The following TCF12 variants were observed in gnomAD, a reference collection of about 807,000 sequenced individuals.
TCF12 encodes DNA-binding protein HTF4.
In TCF12, 45 loss-of-function variants were observed where a neutral mutation model predicts 86.0. The observed-to-expected ratio is 0.52, with a 90% CI of 0.41 to 0.67. TCF12 has a LOEUF of 0.67. Ranked by LOEUF, TCF12 falls within the 30% of genes least tolerant of loss-of-function variation. The probability of loss-of-function intolerance (pLI) is 0.00; values close to 1 mark genes in which losing one functional copy is unlikely to be tolerated. For missense variants in TCF12, 881 were observed against 859.9 expected (o/e 1.02, Z -0.31); for synonymous variants, 330 against 299.6 (o/e 1.10, Z -1.05).
intron 4 of TCF12, among the ~76,000 whole-genome samples, chr15:57,086,868 G>GTGA (rs1405022457): frequency 6.6e-6 from 1 of 152,048 alleles, no homozygotes; most frequent in African/African-American, 2.4e-5. Context: ...AGATCCTCTG[G>GTGA]TGATGATACT....
chr15:57,146,914 G>A (rs1434301454), intron 5 of TCF12, among the ~76,000 whole-genome samples: 1 of 152,200 alleles, frequency 6.6e-6, no homozygotes, highest in East Asian at 1.9e-4. Context: ...TTGATTTGGA[G>A]AAATATAGTG....
intron 3 of TCF12, among the ~76,000 whole-genome samples, chr15:56,957,004 GTCT>G (rs1414424051): frequency 8.5e-5 from 13 of 152,322 alleles, no homozygotes; most frequent in African/African-American, 2.9e-4. Flanking sequence ...TGAGGGCTCT[GTCT>G]TCGAGAATGG....
chr15:57,189,709 A>G (rs1056984939), intron 6 of TCF12, among the ~76,000 whole-genome samples: 4 of 152,242 alleles, frequency 2.6e-5, no homozygotes, highest in African/African-American at 9.6e-5. Flanking sequence ...AGAATTACAC[A>G]TATGACCCAG....
intron 7 of TCF12, among the ~76,000 whole-genome samples, chr15:57,196,650 A>G (rs1284704688): frequency 1.3e-5 from 2 of 152,226 alleles, no homozygotes; most frequent in Non-Finnish European, 2.9e-5. Context: ...TATTTTACAT[A>G]TAAGTAAAAT....
chr15:57,009,102 G>T (rs955300462), intron 3 of TCF12, among the ~76,000 whole-genome samples: 4 of 152,094 alleles, frequency 2.6e-5, no homozygotes, highest in Admixed American at 2.0e-4. Flanking sequence ...ATGAAAATTT[G>T]GTCCTGCTTT....
intron 3 of TCF12, among the ~76,000 whole-genome samples, chr15:56,928,745 G>A (rs1169071747): frequency 6.6e-6 from 1 of 152,090 alleles, no homozygotes; most frequent in Non-Finnish European, 1.5e-5. Flanking sequence ...AGGCATCACC[G>A]CCACTTGAAT....
chr15:57,059,795 C>G, intron 3 of TCF12, among the ~76,000 whole-genome samples: 1 of 105,184 alleles, frequency 9.5e-6, no homozygotes, highest in Admixed American at 1.0e-4. Context: ...AAAAGCATCT[C>G]CTCCCACCAA....
chr15:57,173,444 A>G (rs2055672566), intron 6 of TCF12, among the ~76,000 whole-genome samples: 1 of 152,164 alleles, frequency 6.6e-6, no homozygotes, highest in Non-Finnish European at 1.5e-5. Context: ...TAACAAAACC[A>G]AAATTTGGCT....
chr15:56,958,661 A>G (rs796123383), intron 3 of TCF12, among the ~76,000 whole-genome samples: 120 of 119,080 alleles, frequency 1.0e-3, no homozygotes, highest in African/African-American at 3.3e-3. Flanking sequence ...GTATATGAGA[A>G]AGAGAGAGAG....
chr15:57,223,650 T>TTTTTTTGTTTTTTTTTTG (rs2058717482), intron 8 of TCF12, among the ~76,000 whole-genome samples: 1 of 125,008 alleles, frequency 8.0e-6, no homozygotes, highest in Non-Finnish European at 1.6e-5. Flanking sequence ...GAGGTTTTTT[T>TTTTTTTGTTTTTTTTTTG]TTTTTTTTTT....
intron 4 of TCF12, among the ~76,000 whole-genome samples, chr15:57,076,058 G>A (rs112924013): frequency 2.0e-5 from 3 of 151,306 alleles, no homozygotes; most frequent in African/African-American, 7.3e-5. Context: ...TCTCACTTAG[G>A]TTGCCCAGGC....
At chr15:57,190,834 A>T (rs1249258602) in intron 6 of TCF12, among the ~76,000 whole-genome samples, 1 of 152,192 alleles carries the variant, frequency 6.6e-6, no homozygotes, top group Admixed American at 6.6e-5. Flanking sequence ...GATGCCTAAG[A>T]TATTAAAAAG....
At chr15:57,194,451 G>A (rs745525764) in intron 7 of TCF12, among the ~76,000 whole-genome samples, 3 of 152,136 alleles carry the variant, frequency 2.0e-5, no homozygotes, top group African/African-American at 4.8e-5. Flanking sequence ...GTCATTTAGT[G>A]GGTTCTTACT....
intron 8 of TCF12, among the ~76,000 whole-genome samples, chr15:57,205,240 T>C (rs1183005748): frequency 1.3e-5 from 2 of 151,794 alleles, no homozygotes; most frequent in African/African-American, 4.8e-5. Flanking sequence ...GAGGTTGAGA[T>C]TGCAGTGAGC....
intron 1 of TCF12, 126 bp downstream of exon 1, chr15:56,919,032 A>G (rs1391065890): frequency 6.6e-6 from 1 of 151,794 alleles, no homozygotes; most frequent in African/African-American, 2.4e-5. Context: ...CCCTTTGTAC[A>G]GCGCGAAACC....
At chr15:57,277,644 A>T (rs1338710036) in intron 19 of TCF12, among the ~76,000 whole-genome samples, 4 of 151,810 alleles carry the variant, frequency 2.6e-5, no homozygotes, top group Non-Finnish European at 5.9e-5. Context: ...AAAAAAAAAA[A>T]AAATTAAGTT....
At chr15:57,189,443 T>G (rs2056864059) in intron 6 of TCF12, among the ~76,000 whole-genome samples, 1 of 152,204 alleles carries the variant, frequency 6.6e-6, no homozygotes, top group East Asian at 1.9e-4. Flanking sequence ...CTAGACATTC[T>G]TCCCAAGGAG....
At chr15:56,999,835 CT>C (rs1450275579) in intron 3 of TCF12, among the ~76,000 whole-genome samples, 26 of 152,194 alleles carry the variant, frequency 1.7e-4, no homozygotes, top group African/African-American at 6.0e-4. Context: ...GATGGAGCCA[CT>C]GCACTCCAGC....
intron 5 of TCF12, among the ~76,000 whole-genome samples, chr15:57,112,768 C>T (rs1276978992): frequency 6.6e-6 from 1 of 152,028 alleles, no homozygotes; most frequent in East Asian, 1.9e-4. Flanking sequence ...ATGAAAAAGA[C>T]ATTACCTTCA....
Sources: allele counts gnomAD v4.1 joint callset (sites outside exome capture counted in the v4.1 genomes callset), GRCh38; gene constraint gnomAD v4.1.1; transcripts MANE v1.5; gene names NCBI Gene and HGNC (gene_info 2026-07-23, HGNC 2026-07-21).